Variants in CORO2B observed in about 807,000 individuals in gnomAD.
CORO2B encodes the protein coronin 2B, also known as coronin-2B.
CORO2B carries 26 observed loss-of-function variants against 58.8 expected under a neutral mutation model. The observed-to-expected ratio is 0.44, with a 90% CI of 0.32 to 0.61. The LOEUF (loss-of-function observed/expected upper bound fraction) is 0.61. Ranked by LOEUF, CORO2B falls within the 20% of genes least tolerant of loss-of-function variation. The pLI, the probability that CORO2B is intolerant of heterozygous loss-of-function variation, is 0.04. For missense variants in CORO2B, 460 were observed against 645.1 expected, an observed-to-expected ratio of 0.71 and a Z score of 3.11; for synonymous variants, 242 against 253.8, an observed-to-expected ratio of 0.95 and a Z score of 0.44.
the CORO2B span, among the ~76,000 whole-genome samples, chr15:68,527,304 T>C: frequency 6.6e-6 from 1 of 152,238 alleles, no homozygotes; most frequent in African/African-American, 2.4e-5. Flanking sequence ...TCTTCTATTT[T>C]TTTTTCCTAT....
intron 2 of CORO2B, among the ~76,000 whole-genome samples, chr15:68,690,521 G>A (rs1461445897): frequency 6.6e-6 from 1 of 151,740 alleles, no homozygotes; most frequent in South Asian, 2.1e-4. Flanking sequence ...CACTTTCCTC[G>A]CCTCTGTCTT....
At chr15:68,532,583 G>T in the CORO2B span, among the ~76,000 whole-genome samples, 2 of 152,106 alleles carry the variant, frequency 1.3e-5, no homozygotes, top group Non-Finnish European at 2.9e-5. Flanking sequence ...TAAAGACCTT[G>T]TTTGCTAATC....
At chr15:68,547,931 G>C in the CORO2B span, among the ~76,000 whole-genome samples, 1 of 152,130 alleles carries the variant, frequency 6.6e-6, no homozygotes, top group Non-Finnish European at 1.5e-5. Context: ...AGCACTTTGG[G>C]AGGTTGAGGC....
the CORO2B span, among the ~76,000 whole-genome samples, chr15:68,553,851 G>A: frequency 6.6e-6 from 1 of 152,226 alleles, no homozygotes; most frequent in Non-Finnish European, 1.5e-5. Context: ...ACCGTGCAGG[G>A]CCTTACAAGC....
At chr15:68,537,637 T>C in the CORO2B span, among the ~76,000 whole-genome samples, 1 of 152,068 alleles carries the variant, frequency 6.6e-6, no homozygotes, top group East Asian at 1.9e-4. Flanking sequence ...TTCCCAATGC[T>C]CTCCCTCCCC....
At chr15:68,723,066 T>C (rs1893201958) in intron 11 of CORO2B, among the ~76,000 whole-genome samples, 1 of 146,862 alleles carries the variant, frequency 6.8e-6, no homozygotes, top group East Asian at 2.4e-4. Flanking sequence ...AAACTCCGTC[T>C]CAAAAAAACA....
chr15:68,637,150 G>A (rs1293339442), intron 1 of CORO2B, among the ~76,000 whole-genome samples: 1 of 152,194 alleles, frequency 6.6e-6, no homozygotes, highest in South Asian at 2.1e-4. Context: ...ACCAAGTTTG[G>A]AAATGGTCAG....
At chr15:68,520,186 T>C in the CORO2B span, among the ~76,000 whole-genome samples, 13 of 152,360 alleles carry the variant, frequency 8.5e-5, no homozygotes, top group African/African-American at 3.1e-4. Flanking sequence ...CTTTATGGGC[T>C]AGCATGTGAT....
rs567677184 is a variant in CORO2B at position 68,674,356 on chromosome 15, G to A, written c.217-20784G>A. Among the ~76,000 whole-genome samples, 3 of 152,348 alleles carry A rather than the reference G, an allele frequency of 2.0e-5. No homozygotes were observed. In the East Asian group the frequency reaches 5.8e-4, roughly 29 times the overall value. On this transcript the variant is annotated intron_variant, in intron 2 of 11. Transcript: ENST00000261861. ...GCACACATGTGCCCGGAAGACAGAC[G>A]AGGCCATCAGAATGCCCGCCAGTGT... is the stretch of plus-strand genomic sequence containing the variant.
At chr15:68,600,264 G>A (rs1899949046) in intron 1 of CORO2B, among the ~76,000 whole-genome samples, 1 of 152,160 alleles carries the variant, frequency 6.6e-6, no homozygotes, top group African/African-American at 2.4e-5. Flanking sequence ...ACTCCTCCGT[G>A]GAGGCCTGGC....
the CORO2B span, among the ~76,000 whole-genome samples, chr15:68,529,499 G>A: frequency 1.3e-5 from 2 of 152,076 alleles, no homozygotes; most frequent in Admixed American, 6.6e-5. Context: ...CTAAGTTGTT[G>A]ATTTTTTTGA....
chr15:68,712,078 G>C (rs1892933273), intron 5 of CORO2B, among the ~76,000 whole-genome samples: 1 of 152,330 alleles, frequency 6.6e-6, no homozygotes, highest in South Asian at 2.1e-4. Context: ...CACTTGATAG[G>C]ATGAGCCTGA....
chr15:68,563,022 C>A, the CORO2B span, among the ~76,000 whole-genome samples: 2 of 150,190 alleles, frequency 1.3e-5, no homozygotes, highest in Non-Finnish European at 3.0e-5. Context: ...ACGTAATATA[C>A]TAAAATGCCT....
the CORO2B span, among the ~76,000 whole-genome samples, chr15:68,548,005 T>C: frequency 6.6e-5 from 10 of 152,040 alleles, no homozygotes; most frequent in East Asian, 2.0e-3. Context: ...ACCCTGTCTC[T>C]ACTAAAAATA....
At chr15:68,590,167 A>T (rs1467064006) in intron 1 of CORO2B, among the ~76,000 whole-genome samples, 2 of 152,122 alleles carry the variant, frequency 1.3e-5, no homozygotes, top group Admixed American at 6.5e-5. Flanking sequence ...TCTGGCTCAG[A>T]GGGAGGGAGA....
chr15:68,646,554 A>G (rs568946269), intron 2 of CORO2B, among the ~76,000 whole-genome samples: 3 of 152,338 alleles, frequency 2.0e-5, no homozygotes, highest in Admixed American at 2.0e-4. Context: ...AGGGACACTG[A>G]GGACAGAGCC....
the CORO2B span, among the ~76,000 whole-genome samples, chr15:68,561,443 A>G: frequency 6.6e-6 from 1 of 151,264 alleles, no homozygotes; most frequent in Non-Finnish European, 1.5e-5. Flanking sequence ...ACAAGCCAAC[A>G]CTGCCTCCCA....
the CORO2B span, among the ~76,000 whole-genome samples, chr15:68,520,409 C>T: frequency 2.0e-5 from 3 of 152,086 alleles, no homozygotes; most frequent in African/African-American, 7.2e-5. Context: ...TTTATTTCTC[C>T]TGTTAATTTT....
rs1901380022 is a variant in CORO2B at position 68,645,127 on chromosome 15, A to T, written c.16-33A>T. 1.2e-6 allele frequency: 2 copies of T among 1,608,240 alleles called. No homozygotes were observed. The highest frequency in any genetic ancestry group is 2.7e-5 in the African/African-American group (2 of 74,938). ...CGAGGCCCTTCATGGCACAGGGCCC[A>T]GCCTGACCCTTGTCTCTCCTGGCCC... On this transcript the variant is annotated intron_variant, in intron 1 of 11. Coordinates refer to ENST00000261861, the MANE Select transcript of CORO2B (RefSeq NM_006091.5). The surrounding 1 kb of genome is among the most constrained non-coding windows in gnomAD (Gnocchi z 4.5).
Sources: gnomAD v4.1 joint callset for allele counts (sites outside exome capture counted in the v4.1 genomes callset) on GRCh38, gnomAD v4.1.1 for gene constraint, Gnocchi (gnomAD v3.1) non-coding constraint, MANE v1.5 for transcripts, NCBI Gene and HGNC (gene_info 2026-07-23, HGNC 2026-07-21) for gene names.